UTY: variants seen among roughly 807,000 people sequenced by gnomAD.
The protein encoded by UTY is histone demethylase UTY.
Under a neutral mutation model 32.5 loss-of-function variants are expected in UTY, and 12 were observed. The ratio of observed to expected loss-of-function variants is 0.37; its 90% CI spans 0.24 to 0.60. UTY has a LOEUF of 0.60. Ranked by LOEUF, UTY falls within the 20% of genes least tolerant of loss-of-function variation. The pLI is 0.69. For synonymous variants in UTY, 131 were observed against 103.4 expected, an observed-to-expected ratio of 1.27 and a Z score of -1.62; for missense variants, 303 against 299.2, an observed-to-expected ratio of 1.01 and a Z score of -0.09.
intron 3 of UTY, among the ~76,000 whole-genome samples, chrY:13,461,916 G>C: frequency 6.0e-5 from 2 of 33,498 alleles, no homozygotes; most frequent in East Asian, 1.5e-3. Context: ...TTACAGGCAT[G>C]AGCCACCATG....
chrY:13,267,561 G>T (rs764138532), intron 27 of UTY, among the ~76,000 whole-genome samples: 64 of 33,469 alleles, frequency 1.9e-3, no homozygotes, highest in South Asian at 9.4e-3. Flanking sequence ...ATTTGATCCT[G>T]TCATTATAAT....
intron 4 of UTY, among the ~76,000 whole-genome samples, chrY:13,425,064 G>A: frequency 3.0e-5 from 1 of 33,374 alleles, no homozygotes; most frequent in Non-Finnish European, 7.4e-5. Flanking sequence ...TAGAATTTAG[G>A]CAAAACACAG....
At chrY:13,307,168 A>G (rs2058743101) in intron 21 of UTY, among the ~76,000 whole-genome samples, 1 of 33,316 alleles carries the variant, frequency 3.0e-5, no homozygotes. Flanking sequence ...GGTGAATCAC[A>G]TTAACAAAAC....
chrY:13,241,620 A>G (rs2053903857), intron 28 of UTY, among the ~76,000 whole-genome samples: 1 of 34,239 alleles, frequency 2.9e-5, no homozygotes, highest in Non-Finnish European at 7.3e-5. Context: ...CTAACCAAGG[A>G]AAGAAGCAAG....
At chrY:13,378,529 C>T in intron 8 of UTY, among the ~76,000 whole-genome samples, 3 of 33,516 alleles carry the variant, frequency 9.0e-5, no homozygotes, top group Non-Finnish European at 2.2e-4. Context: ...AATCCCAGCA[C>T]TTTGAAAAGC....
intron 28 of UTY, among the ~76,000 whole-genome samples, chrY:13,254,640 C>T (rs1603243856): frequency 6.1e-5 from 2 of 32,962 alleles, no homozygotes; most frequent in South Asian, 1.4e-3. Context: ...CTCGGGAACC[C>T]CCTCAAAAGG....
intron 8 of UTY, among the ~76,000 whole-genome samples, chrY:13,379,542 C>G (rs2065757527): frequency 3.1e-5 from 1 of 31,967 alleles, no homozygotes. Context: ...AGCAAACACC[C>G]CCGAGCACTA....
At chrY:13,434,504 T>G in intron 4 of UTY, among the ~76,000 whole-genome samples, 1 of 33,861 alleles carries the variant, frequency 3.0e-5, no homozygotes. Context: ...TGAAGAGATT[T>G]TAAAACATGA....
chrY:13,327,301 G>T (rs2060318492), intron 18 of UTY, among the ~76,000 whole-genome samples: 1 of 33,288 alleles, frequency 3.0e-5, no homozygotes, highest in Non-Finnish European at 7.5e-5. Context: ...ATCAGTAACC[G>T]CATTTATTTC....
At chrY:13,442,485 G>T in intron 4 of UTY, among the ~76,000 whole-genome samples, 5 of 32,998 alleles carry the variant, frequency 1.5e-4, no homozygotes, top group African/African-American at 6.0e-4. Context: ...ATGGCACTAA[G>T]TATCAGCCAT....
At chrY:13,382,246 T>C (rs966194851) in intron 8 of UTY, among the ~76,000 whole-genome samples, 1 of 32,730 alleles carries the variant, frequency 3.1e-5, no homozygotes, top group African/African-American at 1.2e-4. Context: ...CAAGGAAACA[T>C]AGAGGAATTC....
At chrY:13,284,946 T>A in intron 27 of UTY, among the ~76,000 whole-genome samples, 1 of 34,389 alleles carries the variant, frequency 2.9e-5, no homozygotes, top group Non-Finnish European at 7.3e-5. Flanking sequence ...GTGGGCTGCA[T>A]GGTAGCTCTT....
intron 3 of UTY, among the ~76,000 whole-genome samples, chrY:13,450,810 C>G (rs2076245397): frequency 4.0e-5 from 1 of 24,941 alleles, no homozygotes; most frequent in African/African-American, 1.6e-4. Context: ...GATGACAAAG[C>G]GAGACTCTGT....
chrY:13,247,972 T>C, downstream of UTY, among the ~76,000 whole-genome samples: 2 of 33,514 alleles, frequency 6.0e-5, no homozygotes, highest in South Asian at 1.3e-3. Context: ...GTCCTGAATT[T>C]TAATCTCAAT....
upstream of UTY, chrY:13,480,167 G>A: frequency 2.3e-5 from 1 of 42,866 alleles, no homozygotes; most frequent in African/African-American, 1.1e-4. Flanking sequence ...CTGACCGCTG[G>A]TTGGTTGATG....
At chrY:13,446,042 G>A in intron 4 of UTY, among the ~76,000 whole-genome samples, 1 of 33,269 alleles carries the variant, frequency 3.0e-5, no homozygotes, top group Admixed American at 2.8e-4. Context: ...GGATGGAGCA[G>A]GAGGCCATTA....
chrY:13,461,987 T>C, intron 3 of UTY, among the ~76,000 whole-genome samples: 3 of 33,778 alleles, frequency 8.9e-5, no homozygotes, highest in Non-Finnish European at 2.2e-4. Flanking sequence ...GTTTTAAAAT[T>C]GTATATGCAG....
intron 8 of UTY, among the ~76,000 whole-genome samples, chrY:13,380,967 G>A (rs2066080724): frequency 3.0e-5 from 1 of 33,346 alleles, no homozygotes; most frequent in East Asian, 7.8e-4. Context: ...GAAGGAAAGC[G>A]ACAATGGTCA....
intron 5 of UTY, among the ~76,000 whole-genome samples, chrY:13,412,550 G>C: frequency 6.1e-5 from 2 of 32,765 alleles, no homozygotes; most frequent in South Asian, 1.4e-3. Context: ...GTGATTTTAC[G>C]TTCTTATCTT....
Sources: allele counts gnomAD v4.1 joint callset (sites outside exome capture counted in the v4.1 genomes callset), GRCh38; gene constraint gnomAD v4.1.1; transcripts MANE v1.5; gene names NCBI Gene and HGNC (gene_info 2026-07-23, HGNC 2026-07-21).